The following LGR5 variants were observed in gnomAD, a reference collection of about 807,000 sequenced individuals.
LGR5 encodes leucine-rich repeat-containing G protein-coupled receptor 5.
In LGR5, 54 loss-of-function variants were observed where a neutral mutation model predicts 76.7. The observed-to-expected ratio is 0.70, with a 90% CI of 0.57 to 0.88. The LOEUF (loss-of-function observed/expected upper bound fraction) is 0.88, where lower values mean the gene tolerates loss of function less well. LGR5 is among the 40% of genes least tolerant of loss of function. LGR5 has a pLI of 0.00. For synonymous variants in LGR5, 406 were observed against 421.9 expected (o/e 0.96, Z 0.46); for missense variants, 1,078 against 1,073.3 (o/e 1.00, Z -0.06).
chr12:71,510,757 A>G (rs1875113365), intron 2 of LGR5, among the ~76,000 whole-genome samples: 2 of 152,092 alleles, frequency 1.3e-5, no homozygotes, highest in African/African-American at 4.8e-5. Flanking sequence ...AAGGAGTGAG[A>G]AGGAGGGAAG....
chr12:71,477,664 T>C (rs1022320706), intron 1 of LGR5, among the ~76,000 whole-genome samples: 3 of 152,124 alleles, frequency 2.0e-5, no homozygotes, highest in Non-Finnish European at 4.4e-5. Flanking sequence ...GCTGATAATG[T>C]AGTCTACTAA....
chr12:71,463,333 A>C (rs1019441397), intron 1 of LGR5, among the ~76,000 whole-genome samples: 3 of 152,244 alleles, frequency 2.0e-5, no homozygotes, highest in African/African-American at 7.2e-5. Flanking sequence ...GGCCCAAAGT[A>C]GACTCAGACT....
rs188780198 is a variant in LGR5 at position 71,464,378 on chromosome 12, G to A, written c.212+24086G>A. 5.4e-4 allele frequency among the ~76,000 whole-genome samples: 82 copies of A among 152,290 alleles called. 1 individual carries two copies. Among genetic ancestry groups the A allele is most frequent in the African/African-American group, 1.6e-3 (66 of 41,566 alleles). ...CATATTTATCACAGACCCAGGAGCCGTGCCCAGAATCAACTTTGAACTACA... is the reference window on the plus strand; with the variant it reads ...CATATTTATCACAGACCCAGGAGCCATGCCCAGAATCAACTTTGAACTACA... On this transcript the variant is annotated intron_variant, in intron 1 of 17. Coordinates refer to ENST00000266674, the MANE Select transcript of LGR5 (RefSeq NM_003667.4).
intron 4 of LGR5, among the ~76,000 whole-genome samples, chr12:71,552,065 C>T: frequency 6.6e-6 from 1 of 150,406 alleles, no homozygotes; most frequent in East Asian, 2.0e-4. Context: ...AGGGGAACAT[C>T]ATACATGGGG....
intron 1 of LGR5, among the ~76,000 whole-genome samples, chr12:71,488,380 A>G (rs757608312): frequency 6.6e-6 from 1 of 152,204 alleles, no homozygotes; most frequent in East Asian, 1.9e-4. Context: ...GTTGAGAGAC[A>G]TGACCTAAGT....
chr12:71,440,757 C>T lies in LGR5; in HGVS notation c.212+465C>T, dbSNP rs1216348151. ...AAAGGAGAAACAACTTGCCCAGCTC[C>T]AAAGGGTTTTTAGTCTGCATCCCTT... On this transcript the variant is annotated intron_variant, in intron 1 of 17. Transcript: ENST00000266674. The surrounding 1 kb of genome is among the most constrained non-coding windows in gnomAD (Gnocchi z 5.3). 6.6e-6 allele frequency among the ~76,000 whole-genome samples: 1 copy of T among 152,218 alleles called. No homozygotes were observed. Among genetic ancestry groups the T allele is most frequent in the African/African-American group, 2.4e-5 (1 of 41,448 alleles).
chr12:71,503,541 C>T (rs536737656), intron 1 of LGR5, among the ~76,000 whole-genome samples: 3 of 152,136 alleles, frequency 2.0e-5, no homozygotes, highest in Admixed American at 1.3e-4. Context: ...GATGTAAAGT[C>T]AATATTTGAT....
intron 1 of LGR5, among the ~76,000 whole-genome samples, chr12:71,453,754 A>G (rs1340259302): frequency 6.6e-6 from 1 of 152,156 alleles, no homozygotes; most frequent in East Asian, 1.9e-4. Flanking sequence ...TTTAAGAACA[A>G]AAACTGATTT....
At chr12:71,550,381 C>T (rs941571043) in intron 4 of LGR5, among the ~76,000 whole-genome samples, 3 of 151,472 alleles carry the variant, frequency 2.0e-5, no homozygotes, top group African/African-American at 7.3e-5. Flanking sequence ...GATCTCCTGA[C>T]CTCTGTCTCC....
In LGR5 at chr12:71,527,336, G is replaced by T. The variant is rs549264597; in HGVS notation, c.356+2859G>T. Among the ~76,000 whole-genome samples, 13 of 152,280 alleles carry T rather than the reference G, an allele frequency of 8.5e-5. No individual in the cohort carries two copies. The South Asian group carries it at 2.3e-3, about 27-fold the overall frequency. On this transcript the variant is annotated intron_variant, in intron 3 of 17. Coordinates refer to ENST00000266674, the MANE Select transcript of LGR5 (RefSeq NM_003667.4). The stretch of plus-strand genomic sequence containing the variant: ...TACCGCAAACTGGGTAATTTATAAA[G>T]AAGAGAAGTTTATTTCTCACAGTTC...
chr12:71,537,546 C>T (rs1876660315), intron 4 of LGR5, among the ~76,000 whole-genome samples: 1 of 152,032 alleles, frequency 6.6e-6, no homozygotes, highest in African/African-American at 2.4e-5. Context: ...CTGCAGATAC[C>T]ATATTGTACC....
intron 1 of LGR5, among the ~76,000 whole-genome samples, chr12:71,468,245 T>A (rs143148964): frequency 2.3e-4 from 35 of 152,282 alleles, no homozygotes; most frequent in African/African-American, 6.5e-4. Flanking sequence ...AAGTTGTCAG[T>A]CTGAGTCTCC....
chr12:71,538,265 C>T (rs930912887), intron 4 of LGR5, among the ~76,000 whole-genome samples: 2 of 152,122 alleles, frequency 1.3e-5, no homozygotes, highest in East Asian at 3.9e-4. Flanking sequence ...GTAATCTCAG[C>T]GTTTTGGGAG....
intron 4 of LGR5, among the ~76,000 whole-genome samples, chr12:71,549,721 T>C (rs1304691806): frequency 6.6e-6 from 1 of 152,106 alleles, no homozygotes; most frequent in Non-Finnish European, 1.5e-5. Flanking sequence ...AGGAGTATCA[T>C]TTATTGAGAG....
chr12:71,503,704 A>G lies in LGR5; in HGVS notation c.213-910A>G, dbSNP rs78978071. 7.8e-4 allele frequency among the ~76,000 whole-genome samples: 119 copies of G among 152,302 alleles called. 1 individual carries two copies. The East Asian group carries it at 0.02, about 26-fold the overall frequency. Reference sequence around the variant, plus strand: ...AGGCCTGGTCTGAGAATACAATGCCATAAGTTCTGAATCTTCAGGTTCGTG... The same window carrying G: ...AGGCCTGGTCTGAGAATACAATGCCGTAAGTTCTGAATCTTCAGGTTCGTG... On this transcript the variant is annotated intron_variant, in intron 1 of 17. Transcript: ENST00000266674.
intron 1 of LGR5, among the ~76,000 whole-genome samples, chr12:71,458,231 G>A (rs1438500745): frequency 6.6e-6 from 1 of 151,794 alleles, no homozygotes; most frequent in Admixed American, 6.6e-5. Context: ...TGCTTTTTTG[G>A]CTACTAATCT....
chr12:71,552,164 A>G (rs1276968727), intron 4 of LGR5, among the ~76,000 whole-genome samples: 1 of 152,132 alleles, frequency 6.6e-6, no homozygotes, highest in African/African-American at 2.4e-5. Context: ...TGATGTGTTG[A>G]TAGGTGCAAC....
intron 1 of LGR5, among the ~76,000 whole-genome samples, chr12:71,477,080 A>C (rs965464831): frequency 3.3e-5 from 5 of 152,306 alleles, no homozygotes; most frequent in African/African-American, 1.2e-4. Flanking sequence ...ATAAGGCAAG[A>C]AGCAAGCCAA....
upstream of LGR5, among the ~76,000 whole-genome samples, chr12:71,439,400 C>G (rs1041957903): frequency 3.9e-5 from 6 of 152,168 alleles, no homozygotes; most frequent in African/African-American, 1.2e-4. Flanking sequence ...AGTATCTCAT[C>G]CATTATTTGA....
Sources: allele counts gnomAD v4.1 joint callset (sites outside exome capture counted in the v4.1 genomes callset), GRCh38; gene constraint gnomAD v4.1.1; non-coding constraint Gnocchi (gnomAD v3.1); transcripts MANE v1.5; gene names NCBI Gene and HGNC (gene_info 2026-07-23, HGNC 2026-07-21).